PSD3: variants seen among roughly 807,000 people sequenced by gnomAD.
PSD3 encodes PH and SEC7 domain-containing protein 3.
PSD3 carries 49 observed loss-of-function variants against 105.5 expected under a neutral mutation model. The ratio of observed to expected loss-of-function variants is 0.46; its 90% CI spans 0.37 to 0.59. The LOEUF (loss-of-function observed/expected upper bound fraction) is 0.59, where lower values mean the gene tolerates loss of function less well. Ranked by LOEUF, PSD3 falls within the 20% of genes least tolerant of loss-of-function variation. The pLI, the probability that PSD3 is intolerant of heterozygous loss-of-function variation, is 0.00. For missense variants in PSD3, 1,561 were observed against 1,263.8 expected, an observed-to-expected ratio of 1.24 and a Z score of -3.57; for synonymous variants, 557 against 457.8, an observed-to-expected ratio of 1.22 and a Z score of -2.77.
intron 1 of PSD3, among the ~76,000 whole-genome samples, chr8:18,987,286 T>TA (rs1563488361): frequency 9.9e-5 from 15 of 150,850 alleles, no homozygotes; most frequent in Admixed American, 2.6e-4. Flanking sequence ...TTTTATTTTT[T>TA]TTTTTATATA....
At chr8:19,068,570 C>G (rs138448288) in intron 1 of PSD3, among the ~76,000 whole-genome samples, 21 of 152,120 alleles carry the variant, frequency 1.4e-4, no homozygotes, top group African/African-American at 3.6e-4. Context: ...GGATTACATG[C>G]GTGAGCCATT....
intron 12 of PSD3, among the ~76,000 whole-genome samples, chr8:18,596,518 G>C (rs1456905098): frequency 6.6e-6 from 1 of 151,768 alleles, no homozygotes; most frequent in South Asian, 2.1e-4. Flanking sequence ...AAAAGAAATA[G>C]AGAAATGAAA....
intron 14 of PSD3, among the ~76,000 whole-genome samples, chr8:18,565,216 G>T (rs974494249): frequency 6.6e-6 from 1 of 152,204 alleles, no homozygotes; most frequent in African/African-American, 2.4e-5. Context: ...TGTGCACACT[G>T]AAGTTTGAAA....
chr8:18,562,861 C>G (rs553361571), intron 14 of PSD3, among the ~76,000 whole-genome samples: 1 of 151,848 alleles, frequency 6.6e-6, no homozygotes, highest in South Asian at 2.1e-4. Flanking sequence ...TGCACTCCAG[C>G]CTGGGCGACA....
intron 4 of PSD3, among the ~76,000 whole-genome samples, chr8:18,813,763 C>T (rs1018416190): frequency 7.9e-5 from 12 of 152,136 alleles, no homozygotes; most frequent in Non-Finnish European, 1.8e-4. Flanking sequence ...GTCTGTAACC[C>T]TTAAGGTTTT....
Position 18,871,698 on chromosome 8 carries a change from T to C in PSD3, c.1166A>G (p.Glu389Gly), listed in dbSNP as rs764484952. The change falls in exon 3 of 16, where the codon GAG becomes GGG. Residue 389 changes from glutamate (E) to glycine (G), a missense_variant. Transcript: ENST00000327040. ...FSPVRLDESG[E>G]DEVFLQENKQ... ...GTTTTCCTGTAGGAAGACTTCATCC[T>C]CTCCACTCTCATCAAGACGCACAGG... 6.2e-7 allele frequency: 1 copy of C among 1,614,128 alleles called. No individual in the cohort carries two copies. Among genetic ancestry groups the C allele is most frequent in the South Asian group, 1.1e-5 (1 of 91,066 alleles).
intron 14 of PSD3, 125 bp downstream of exon 14, chr8:18,572,403 C>T (rs137909674): frequency 3.5e-4 from 400 of 1,151,798 alleles, no homozygotes; most frequent in Middle Eastern, 1.1e-3. Flanking sequence ...TTATATGATA[C>T]GCTCTCACAG....
intron 2 of PSD3, among the ~76,000 whole-genome samples, chr8:18,931,864 C>T (rs932649): frequency 0.22 from 33,398 of 151,984 alleles, 4,348 homozygotes; most frequent in East Asian, 0.36. Context: ...GTGACTTTTA[C>T]GTCTTTCCAA....
At chr8:18,814,707 C>T (rs1812055550) in intron 4 of PSD3, among the ~76,000 whole-genome samples, 1 of 152,142 alleles carries the variant, frequency 6.6e-6, no homozygotes, top group South Asian at 2.1e-4. Context: ...TGCATAGAAG[C>T]TTCTTTGGGC....
chr8:18,806,273 G>A (rs1023471766), intron 4 of PSD3, among the ~76,000 whole-genome samples: 3 of 152,090 alleles, frequency 2.0e-5, no homozygotes, highest in Admixed American at 6.6e-5. Context: ...AGATATCAAC[G>A]CAGTGAAAAA....
At chr8:18,980,243 A>G (rs1398257899) in intron 1 of PSD3, among the ~76,000 whole-genome samples, 1 of 152,230 alleles carries the variant, frequency 6.6e-6, no homozygotes, top group Non-Finnish European at 1.5e-5. Context: ...TGAGTAACCC[A>G]GACAGTGCTA....
chr8:18,954,682 C>G (rs957885133), intron 1 of PSD3, among the ~76,000 whole-genome samples: 5 of 152,088 alleles, frequency 3.3e-5, no homozygotes, highest in African/African-American at 1.2e-4. Flanking sequence ...AGCTTCAAGT[C>G]CAGTGTTTCC....
intron 2 of PSD3, among the ~76,000 whole-genome samples, chr8:18,897,171 G>C (rs1047755542): frequency 9.2e-5 from 14 of 152,080 alleles, no homozygotes; most frequent in African/African-American, 3.4e-4. Context: ...TTATGGTTTT[G>C]ATTTGCATTT....
At chr8:18,615,837 C>T (rs758482975) in intron 11 of PSD3, among the ~76,000 whole-genome samples, 1 of 152,154 alleles carries the variant, frequency 6.6e-6, no homozygotes, top group African/African-American at 2.4e-5. Flanking sequence ...AAGGACAGAG[C>T]GAAGACCCTG....
chr8:18,585,233 C>T (rs1483757403), intron 12 of PSD3, among the ~76,000 whole-genome samples: 1 of 152,072 alleles, frequency 6.6e-6, no homozygotes, highest in Non-Finnish European at 1.5e-5. Flanking sequence ...GTTGAGAAGG[C>T]CTAACTCTTA....
rs181483724 is a variant in PSD3 at position 18,743,537 on chromosome 8, G to T, written c.2172+21912C>A. Among the ~76,000 whole-genome samples, 721 of 152,222 alleles carry T rather than the reference G, an allele frequency of 4.7e-3. 4 individuals are homozygous for T. The highest frequency in any genetic ancestry group is 8.0e-3 in the Non-Finnish European group (542 of 68,006). ...CAGTCTTTACTTGGATGGGGGAAAAGTCTCTTCCCACATTTACTGATCTCT... is the reference window on the plus strand; with the variant it reads ...CAGTCTTTACTTGGATGGGGGAAAATTCTCTTCCCACATTTACTGATCTCT... On this transcript the variant is annotated intron_variant, in intron 9 of 15. Coordinates refer to ENST00000327040, the MANE Select transcript of PSD3 (RefSeq NM_015310.4).
intron 12 of PSD3, among the ~76,000 whole-genome samples, chr8:18,591,213 C>T (rs1316430918): frequency 6.6e-6 from 1 of 152,136 alleles, no homozygotes; most frequent in East Asian, 1.9e-4. Context: ...CTGAAGCTAG[C>T]ATGCCTCAGC....
At chr8:19,068,792 C>T (rs993918005) in intron 1 of PSD3, among the ~76,000 whole-genome samples, 4 of 151,904 alleles carry the variant, frequency 2.6e-5, no homozygotes, top group Admixed American at 6.6e-5. Flanking sequence ...ACACTTTAGA[C>T]CAGGGATGTG....
rs191940206 is a variant in PSD3, at chr8:18,619,252, C to G, written c.2410+13361G>C. On this transcript the variant is annotated intron_variant, in intron 11 of 15. Coordinates refer to ENST00000327040, the MANE Select transcript of PSD3 (RefSeq NM_015310.4). ...CACCTCCTTATATCCACTTCCTTTT[C>G]AAGTTCAGGCCCGACTGACCAGCAT... is the stretch of plus-strand genomic sequence containing the variant. 1.2e-4 allele frequency among the ~76,000 whole-genome samples: 18 copies of G among 152,216 alleles called. No homozygotes were observed. The East Asian group carries it at 3.5e-3, about 29-fold the overall frequency.
Sources: gnomAD v4.1 joint callset for allele counts (sites outside exome capture counted in the v4.1 genomes callset) on GRCh38, gnomAD v4.1.1 for gene constraint, MANE v1.5 for transcripts, NCBI Gene and HGNC (gene_info 2026-07-23, HGNC 2026-07-21) for gene names.